The following KIF21B variants were observed in gnomAD, a reference collection of about 807,000 sequenced individuals.
The protein encoded by KIF21B is kinesin family member 21B.
A neutral mutation model predicts 192.9 loss-of-function variants in KIF21B; 85 were observed. The observed-to-expected ratio is 0.44, with a 90% CI of 0.37 to 0.53. The LOEUF is 0.53. Ranked by LOEUF, KIF21B falls within the 20% of genes least tolerant of loss-of-function variation. The pLI is 0.00. For synonymous variants in KIF21B, 832 were observed against 884.6 expected, an observed-to-expected ratio of 0.94 and a Z score of 1.05; for missense variants, 1,716 against 2,194.8, an observed-to-expected ratio of 0.78 and a Z score of 4.36.
At chr1:201,008,263 G>A (rs1313666774) in intron 3 of KIF21B, among the ~76,000 whole-genome samples, 1 of 152,236 alleles carries the variant, frequency 6.6e-6, no homozygotes, top group East Asian at 1.9e-4. Flanking sequence ...CAGGTGCACA[G>A]AAAGACCTTT....
At chr1:201,007,916 G>A (rs746157726) in intron 3 of KIF21B, among the ~76,000 whole-genome samples, 18 of 152,128 alleles carry the variant, frequency 1.2e-4, no homozygotes, top group Non-Finnish European at 2.1e-4. Flanking sequence ...TATCAGAAGC[G>A]AAAGTCCAGA....
Position 200,977,383 on chromosome 1 carries a change from A to C in KIF21B, c.4161-7T>G. On this transcript the variant is annotated splice_polypyrimidine_tract_variant and splice_region_variant and intron_variant, in intron 30 of 34. Coordinates refer to ENST00000461742, the MANE Select transcript of KIF21B (RefSeq NM_001252102.2). ...GATCACCTGGCCCGAGGACCTGCCC[A>C]TCGGAGAAAGGCAAGGCCAGAGGTC... 1 of 1,613,058 alleles carries C rather than the reference A, an allele frequency of 6.2e-7. No individual in the cohort carries two copies. Among genetic ancestry groups the C allele is most frequent in the Non-Finnish European group, 8.5e-7 (1 of 1,179,118 alleles).
chr1:200,994,240 C>T (rs1166486326), intron 15 of KIF21B, among the ~76,000 whole-genome samples: 2 of 152,218 alleles, frequency 1.3e-5, no homozygotes, highest in African/African-American at 2.4e-5. Context: ...AGCATCACTT[C>T]GCAGGTTTAA....
intron 34 of KIF21B, 38 bp downstream of exon 34, chr1:200,974,676 T>A (rs1462044055): frequency 2.5e-6 from 4 of 1,597,824 alleles, no homozygotes; most frequent in Non-Finnish European, 3.4e-6. Context: ...AGGAAGGAGA[T>A]GAGGGAGCAG....
chr1:200,975,680 A>G lies in KIF21B; in HGVS notation c.4444-11T>C, dbSNP rs1331258372. 25 of 1,597,590 alleles carry G rather than the reference A, an allele frequency of 1.6e-5. No homozygotes were observed. Among genetic ancestry groups the G allele is most frequent in the Non-Finnish European group, 2.1e-5 (24 of 1,169,628 alleles). ...GCCCAGCTCGAACATCTGTGGGAGG[A>G]GGGGCCAGTAGGGAGAGGCCAAGTG... On this transcript the variant is annotated splice_polypyrimidine_tract_variant and intron_variant, in intron 32 of 34. Transcript: ENST00000461742. This position sits in a 1 kb window ranked among gnomAD's most constrained non-coding sequence, Gnocchi z 4.3.
chr1:200,998,485 C>T lies in KIF21B; in HGVS notation c.1976G>A (p.Arg659Gln). The change falls in exon 14 of 35, where the codon CGG (arginine) becomes CAG (glutamine). Residue 659 changes from arginine (R) to glutamine (Q), a missense_variant. Coordinates refer to ENST00000461742, the MANE Select transcript of KIF21B (RefSeq NM_001252102.2). The surrounding 1 kb of genome is among the most constrained non-coding windows in gnomAD (Gnocchi z 4.3). ...LIDELENSQR[R>Q]LQTLKHQYEE... is the part of the protein sequence containing the mutation. ...ATACTGGTGCTTGAGCGTCTGCAAC[C>T]GCCGCTGGCTGTTCTCCAGCTCGTC... 4 of 1,614,030 alleles carry T rather than the reference C, an allele frequency of 2.5e-6. No individual in the cohort carries two copies. Among genetic ancestry groups the T allele is most frequent in the African/African-American group, 1.3e-5 (1 of 75,020 alleles).
intron 9 of KIF21B, chr1:201,001,825 T>C (rs1287458693): frequency 1.2e-5 from 4 of 331,528 alleles, no homozygotes; most frequent in Non-Finnish European, 2.3e-5. Context: ...TTGAAACAAA[T>C]ACTGAGAAAG....
At position 200,991,119 on chromosome 1, in the gene KIF21B, T is replaced by C. The variant is rs1477521082; in HGVS notation, c.2485A>G (p.Met829Val). 4 of 1,613,538 alleles carry C rather than the reference T, an allele frequency of 2.5e-6. No individual in the cohort carries two copies. Among genetic ancestry groups the C allele is most frequent in the African/African-American group, 1.3e-5 (1 of 74,902 alleles). ...GCACGCCCTGCCACCCGCTCAGACA[T>C]GGGCTTGGCCAGGCGCCTCAGTGCA... The part of the protein sequence containing the change: ...VSALRRLAKP[M>V]SERVAGRAGL... Residue 829 changes from methionine (M) to valine (V), a missense_variant, in exon 18 of 35, where the codon ATG (methionine) becomes GTG (valine). This residue lies in a region of KIF21B where 1,087 missense variants were observed against 1,316.6 expected (regional missense o/e 0.83). Coordinates refer to ENST00000461742, the MANE Select transcript of KIF21B (RefSeq NM_001252102.2).
intron 31 of KIF21B, 111 bp from the exon 32 acceptor site, chr1:200,977,004 C>T (rs1035888551): frequency 1.0e-6 from 1 of 981,010 alleles, no homozygotes; most frequent in Non-Finnish European, 1.5e-6. Flanking sequence ...TCACCCTCCC[C>T]TCTCGCTCAA....
chr1:201,009,977 C>T (rs1658137092), intron 1 of KIF21B, among the ~76,000 whole-genome samples: 2 of 152,204 alleles, frequency 1.3e-5, no homozygotes, highest in African/African-American at 4.8e-5. Flanking sequence ...GGCTTGTCCA[C>T]TGCTGGGGAG....
chr1:200,998,487 C>G lies in KIF21B; in HGVS notation c.1974G>C (p.Arg658=). The G allele has an allele frequency of 6.2e-7, 1 of 1,614,090 alleles. No homozygotes were observed. Among genetic ancestry groups the G allele is most frequent in the Non-Finnish European group, 8.5e-7 (1 of 1,180,032 alleles). The part of the protein sequence containing the change: ...KLIDELENSQ[R]RLQTLKHQYE... The stretch of plus-strand genomic sequence containing the variant: ...ACTGGTGCTTGAGCGTCTGCAACCG[C>G]CGCTGGCTGTTCTCCAGCTCGTCGA... The change falls in exon 14 of 35, where the codon CGG becomes CGC. Residue 658 remains arginine (R), a synonymous_variant. Coordinates refer to ENST00000461742, the MANE Select transcript of KIF21B (RefSeq NM_001252102.2). The surrounding 1 kb of genome is among the most constrained non-coding windows in gnomAD (Gnocchi z 4.3).
Position 200,988,805 on chromosome 1 carries a change from G to T in KIF21B, c.3259C>A (p.His1087Asn), listed in dbSNP as rs759165397. The change falls in exon 22 of 35, where the codon CAC becomes AAC. Residue 1087 changes from histidine to asparagine, a missense_variant. His to Asn is a moderately conservative substitution (Grantham distance 68). Around this residue, in one of 3 missense-constraint regions of KIF21B, gnomAD observed 580 missense variants for 775.5 expected, o/e 0.75. Transcript: ENST00000461742. ...LDALREKAEA[H>N]PELQALIYNV... ...TAGATGAGGGCCTGCAGCTCGGGGT[G>T]AGCTTCAGCCTTCTCACGCAGGGCG... 5.6e-6 allele frequency: 9 copies of T among 1,613,946 alleles called. No homozygotes were observed. The East Asian group carries it at 1.6e-4, about 28-fold the overall frequency.
At chr1:200,991,218 G>A in intron 17 of KIF21B, 69 bp from the exon 18 acceptor site, 1 of 1,307,362 alleles carries the variant, frequency 7.6e-7, no homozygotes, top group South Asian at 1.3e-5. Flanking sequence ...AAGGGCCCAG[G>A]TTGGGGTGCC....
At chr1:200,989,917 CT>C (rs11327270) in intron 21 of KIF21B, 24 bp downstream of exon 21, 33,910 of 1,581,796 alleles carry the variant, frequency 0.021, 1,885 homozygotes, top group African/African-American at 0.16. Context: ...ATAGAGCCCC[CT>C]GCCCATGTAC....
At chr1:201,007,433 C>T (rs892592897) in intron 3 of KIF21B, among the ~76,000 whole-genome samples, 3 of 148,634 alleles carry the variant, frequency 2.0e-5, no homozygotes, top group Admixed American at 1.3e-4. Context: ...TACACAGACA[C>T]GGACACAGAG....
Position 200,971,982 on chromosome 1 carries a change from G to C in KIF21B, c.*1539C>G, listed in dbSNP as rs909896734. The C allele has an allele frequency of 2.0e-5, 3 of 148,630 alleles. No individual in the cohort carries two copies. Among genetic ancestry groups the C allele is most frequent in the Non-Finnish European group, 3.0e-5 (2 of 67,556 alleles). 9.2% of individuals were successfully genotyped at this position (148,630 alleles called of 1,614,324 possible). On this transcript the variant is annotated 3_prime_UTR_variant, in exon 35 of 35. Transcript: ENST00000461742. ...CGTCCTCTGAAGGGAGGTGGGGCTG[G>C]CTCTTGGCTCCCAGACTGAAGCGGG... is the stretch of plus-strand genomic sequence containing the variant.
In KIF21B at chr1:201,000,830, C is replaced by T. The variant is rs775200427; in HGVS notation, c.1403-50G>A. On this transcript the variant is annotated intron_variant, in intron 9 of 34. Coordinates refer to ENST00000461742, the MANE Select transcript of KIF21B (RefSeq NM_001252102.2). The surrounding 1 kb of genome is among the most constrained non-coding windows in gnomAD (Gnocchi z 6.0). ...GGTGCGATAAAGAAGATAAATAGGC[C>T]AGCGCGGTGGCTCAGACCTATAATT... 2.5e-6 allele frequency: 4 copies of T among 1,596,296 alleles called. No homozygotes were observed. The South Asian group carries it at 4.4e-5, about 18-fold the overall frequency.
Position 200,973,438 on chromosome 1 carries a change from C to T in KIF21B, c.*83G>A. On this transcript the variant is annotated 3_prime_UTR_variant, in exon 35 of 35. Coordinates refer to ENST00000461742, the MANE Select transcript of KIF21B (RefSeq NM_001252102.2). Reference sequence around the variant, plus strand: ...CCCTCTGTCCCCAGAGCAGCTGGCCCCATCGGCCGGGTCACAGCTTCCCTT... The same window carrying T: ...CCCTCTGTCCCCAGAGCAGCTGGCCTCATCGGCCGGGTCACAGCTTCCCTT... 1 of 1,372,534 alleles carries T rather than the reference C, an allele frequency of 7.3e-7. No homozygotes were observed. Among genetic ancestry groups the T allele is most frequent in the Non-Finnish European group, 9.3e-7 (1 of 1,070,208 alleles). The allele number at this position is 1,372,534 out of a possible 1,614,324, so 85.0% of individuals were successfully genotyped here.
rs756519601 is a variant in KIF21B at position 200,976,809 on chromosome 1, G to A, written c.4410C>T (p.Leu1470=). 6.8e-6 allele frequency: 11 copies of A among 1,613,522 alleles called. No individual in the cohort carries two copies. Among genetic ancestry groups the A allele is most frequent in the East Asian group, 2.2e-5 (1 of 44,840 alleles). Reference sequence around the variant, plus strand: ...AGTGGTCCTTGGAGCCAGTCACCACGAGGTCATGCTGGCTGGCCGTCTGGG... The same window carrying A: ...AGTGGTCCTTGGAGCCAGTCACCACAAGGTCATGCTGGCTGGCCGTCTGGG... ...TVTQTASQHD[L]VVTGSKDHYV... Residue 1470 remains leucine, a synonymous_variant, in exon 32 of 35, where the codon CTC becomes CTT. Coordinates refer to ENST00000461742, the MANE Select transcript of KIF21B (RefSeq NM_001252102.2).
Sources: allele counts gnomAD v4.1 joint callset (sites outside exome capture counted in the v4.1 genomes callset), GRCh38; gene constraint gnomAD v4.1.1; regional missense constraint gnomAD v4.1.1; non-coding constraint Gnocchi (gnomAD v3.1); transcripts MANE v1.5; gene names NCBI Gene and HGNC (gene_info 2026-07-23, HGNC 2026-07-21).